Variants in BRF1 observed in about 807,000 individuals in gnomAD.
BRF1 encodes the protein BRF1 general transcription factor IIIB subunit.
Under a neutral mutation model 81.7 loss-of-function variants are expected in BRF1, and 59 were observed. The observed-to-expected ratio is 0.72, with a 90% CI of 0.59 to 0.90. The LOEUF (loss-of-function observed/expected upper bound fraction) is 0.90. Among genes scored for constraint, BRF1 ranks in the 40% least tolerant of loss-of-function variants. BRF1 has a pLI of 0.00. For missense variants in BRF1, 1,050 were observed against 936.3 expected, an observed-to-expected ratio of 1.12 and a Z score of -1.58; for synonymous variants, 491 against 395.6, an observed-to-expected ratio of 1.24 and a Z score of -2.86.
chr14:105,228,956 C>T (rs775658420), intron 6 of BRF1, 43 bp from the exon 7 acceptor site: 2 of 1,583,504 alleles, frequency 1.3e-6, no homozygotes, highest in African/African-American at 1.3e-5. Context: ...CGGCTGGGAA[C>T]CAGGGCAACA....
chr14:105,243,083 T>A (rs2054818719), intron 5 of BRF1, among the ~76,000 whole-genome samples: 1 of 152,040 alleles, frequency 6.6e-6, no homozygotes, highest in Non-Finnish European at 1.5e-5. Flanking sequence ...GCCACTGCAC[T>A]CCAGCCTGGA....
chr14:105,229,508 A>G (rs192211218), intron 6 of BRF1, among the ~76,000 whole-genome samples: 4 of 152,314 alleles, frequency 2.6e-5, no homozygotes, highest in Admixed American at 2.6e-4. Flanking sequence ...TGGGGCTCCA[A>G]TTCCGGAGCT....
At chr14:105,220,767 G>C (rs1306825649) in intron 11 of BRF1, among the ~76,000 whole-genome samples, 1 of 152,246 alleles carries the variant, frequency 6.6e-6, no homozygotes, top group Non-Finnish European at 1.5e-5. Flanking sequence ...CTCCAGCACA[G>C]GGCCAGACTG....
rs769396533 is a variant in BRF1, at chr14:105,228,856, C to A, written c.752G>T (p.Ser251Ile). The A allele has an allele frequency of 1.3e-5, 21 of 1,613,836 alleles. No individual in the cohort carries two copies. Among genetic ancestry groups the A allele is most frequent in the Non-Finnish European group, 1.4e-5 (16 of 1,180,030 alleles). ...DFRRTVKEVI[S>I]VVKVCESTLR... is the part of the protein sequence containing the mutation. ...CGTGGACTCACACACTTTGACCACA[C>A]TGATGACCTCCTTCACAGTCCTCCT... is the stretch of plus-strand genomic sequence containing the variant. Residue 251 changes from serine (S) to isoleucine (I), a missense_variant, in exon 7 of 18, where the codon AGT becomes ATT. Transcript: ENST00000547530.
chr14:105,287,862 C>T (rs1024132152), intron 1 of BRF1, among the ~76,000 whole-genome samples: 3 of 152,378 alleles, frequency 2.0e-5, no homozygotes, highest in Admixed American at 6.5e-5. Flanking sequence ...CTACTGGGCC[C>T]GTCCGGAAAC....
At chr14:105,267,583 A>T (rs1299537823) in intron 3 of BRF1, among the ~76,000 whole-genome samples, 1 of 151,978 alleles carries the variant, frequency 6.6e-6, no homozygotes, top group African/African-American at 2.4e-5. Flanking sequence ...AAGTGATGGG[A>T]TTTACAGGCG....
intron 7 of BRF1, 69 bp downstream of exon 7, chr14:105,228,751 G>A: frequency 6.4e-7 from 1 of 1,553,538 alleles, no homozygotes; most frequent in South Asian, 1.1e-5. Flanking sequence ...GCCTGCTCTG[G>A]CAAGCAGGCC....
rs890602638 is a variant in BRF1, at chr14:105,315,257, C to T, written c.-162+65G>A. 5.9e-6 allele frequency: 1 copy of T among 168,860 alleles called. No individual in the cohort carries two copies. The highest frequency in any genetic ancestry group is 1.2e-5 in the Non-Finnish European group (1 of 81,374). The allele number at this position is 168,860 out of a possible 1,614,324, so 10.5% of individuals were successfully genotyped here. On this transcript the variant is annotated intron_variant, in intron 1 of 17. Transcript: ENST00000327359. The surrounding 1 kb of genome is among the most constrained non-coding windows in gnomAD (Gnocchi z 4.4). ...GGTCCCGAGCACCGGGGGCCGCGCT[C>T]AGCTTCCGAGGACCCGGTGCTGCTC...
At chr14:105,257,196 T>G (rs1418878579) in intron 3 of BRF1, among the ~76,000 whole-genome samples, 2 of 152,122 alleles carry the variant, frequency 1.3e-5, no homozygotes, top group Non-Finnish European at 2.9e-5. Flanking sequence ...GATACATAAG[T>G]TATCAAACAC....
rs367811650 is a variant in BRF1 at position 105,250,576 on chromosome 14, T to C, written c.544+1931A>G. 66 of 1,613,924 alleles carry C rather than the reference T, an allele frequency of 4.1e-5. No individual in the cohort carries two copies. The highest frequency in any genetic ancestry group is 4.7e-5 in the Non-Finnish European group (55 of 1,180,030). On this transcript the variant is annotated intron_variant, in intron 5 of 17. Transcript: ENST00000547530. The stretch of plus-strand genomic sequence containing the variant: ...AGGAGGGGATGACGGAAGTGCAGTG[T>C]GGAAAGGTGGCCTTCCAGTTCCAGT...
At chr14:105,244,123 A>G (rs1260086255) in intron 5 of BRF1, among the ~76,000 whole-genome samples, 1 of 151,802 alleles carries the variant, frequency 6.6e-6, no homozygotes, top group African/African-American at 2.4e-5. Context: ...AGCCTGGGAA[A>G]CACAGCAAGA....
At chr14:105,257,314 G>A (rs2055927221) in intron 3 of BRF1, among the ~76,000 whole-genome samples, 1 of 152,182 alleles carries the variant, frequency 6.6e-6, no homozygotes, top group Admixed American at 6.5e-5. Context: ...TGGATCAGGA[G>A]TCCAGAGCAG....
At chr14:105,258,641 T>C (rs1454718784) in intron 3 of BRF1, among the ~76,000 whole-genome samples, 3 of 148,628 alleles carry the variant, frequency 2.0e-5, no homozygotes, top group African/African-American at 7.5e-5. Context: ...CTACTAAAAA[T>C]ACAAAAATTA....
chr14:105,256,278 C>T (rs1413531894), intron 4 of BRF1: 3 of 1,546,318 alleles, frequency 1.9e-6, no homozygotes, highest in Non-Finnish European at 2.6e-6. Flanking sequence ...CCCAACCGTG[C>T]CCAGCATTGG....
chr14:105,210,973 A>G lies in BRF1; in HGVS notation c.1996+149T>C, dbSNP rs1356728109. ...TCCAACCTCACAATCGACATGACCA[A>G]TTTACAAAATGTCTTAGTTCAAATT... On this transcript the variant is annotated intron_variant, in intron 17 of 17. Transcript: ENST00000547530. The surrounding 1 kb of genome is among the most constrained non-coding windows in gnomAD (Gnocchi z 4.7). 4.2e-6 allele frequency: 6 copies of G among 1,429,026 alleles called. No individual in the cohort carries two copies. The Admixed American group carries it at 1.0e-4, about 25-fold the overall frequency. 88.5% of individuals were successfully genotyped at this position (1,429,026 alleles called of 1,614,324 possible).
At chr14:105,249,067 G>A in intron 5 of BRF1, 1 of 1,355,830 alleles carries the variant, frequency 7.4e-7, no homozygotes, top group Non-Finnish European at 9.4e-7. Context: ...CGGTGCTGCC[G>A]CCCCACGCTG....
At chr14:105,227,979 G>C (rs935215284) in intron 7 of BRF1, 7 of 152,242 alleles carry the variant, frequency 4.6e-5, no homozygotes, top group African/African-American at 1.7e-4. Context: ...CTATGAAACA[G>C]GGCTGCGGTG....
At chr14:105,252,628 T>C (rs1394414659) in intron 4 of BRF1, 49 bp from the exon 5 acceptor site, 1 of 1,586,114 alleles carries the variant, frequency 6.3e-7, no homozygotes, top group Non-Finnish European at 8.6e-7. Context: ...TTTAAGGAAA[T>C]GTTTGCTTTT....
chr14:105,226,547 C>T, intron 8 of BRF1, 87 bp downstream of exon 8: 3 of 1,587,578 alleles, frequency 1.9e-6, no homozygotes, highest in South Asian at 2.3e-5. Context: ...GGGATGGCAC[C>T]AGCTCTGCTA....
Sources: allele counts gnomAD v4.1 joint callset (sites outside exome capture counted in the v4.1 genomes callset), GRCh38; gene constraint gnomAD v4.1.1; non-coding constraint Gnocchi (gnomAD v3.1); transcripts MANE v1.5; gene names NCBI Gene and HGNC (gene_info 2026-07-23, HGNC 2026-07-21).